The following MAML3 variants were observed in gnomAD, a reference collection of about 807,000 sequenced individuals.
MAML3 encodes the protein mastermind-like protein 3.
A neutral mutation model predicts 101.9 loss-of-function variants in MAML3; 27 were observed. That is an observed-to-expected ratio of 0.27 (90% CI 0.20 to 0.37). The LOEUF is 0.37. Ranked by LOEUF, MAML3 falls within the 10% of genes least tolerant of loss-of-function variation. The pLI, the probability that MAML3 is intolerant of heterozygous loss-of-function variation, is 1.00. For missense variants in MAML3, 1,316 were observed against 1,444.9 expected (o/e 0.91, Z 1.45); for synonymous variants, 501 against 555.9 (o/e 0.90, Z 1.39).
In MAML3 at chr4:139,750,835, C is replaced by A. The variant is rs1289977117; in HGVS notation, c.2080-20168G>T. Among the ~76,000 whole-genome samples, 18 of 152,174 alleles carry A rather than the reference C, an allele frequency of 1.2e-4. 1 individual carries two copies. The highest frequency in any genetic ancestry group is 9.8e-4 in the Admixed American group (15 of 15,282). On this transcript the variant is annotated intron_variant, in intron 2 of 4. Transcript: ENST00000509479. Reference sequence around the variant, plus strand: ...CATCACTACCTCCCACTCCCTACCCCCTTTTAAAAACTGAAGTGGGAGGAA... The same window carrying A: ...CATCACTACCTCCCACTCCCTACCCACTTTTAAAAACTGAAGTGGGAGGAA...
Position 139,967,632 on chromosome 4 carries a change from T to C in MAML3, c.469-76665A>G, listed in dbSNP as rs17372642. Among the ~76,000 whole-genome samples the C allele has an allele frequency of 9.9e-3, 1,511 of 152,148 alleles. 14 individuals are homozygous for C. The highest frequency in any genetic ancestry group is 0.016 in the Non-Finnish European group (1,095 of 68,016). On this transcript the variant is annotated intron_variant, in intron 1 of 4. Transcript: ENST00000509479. ...CAGGCCTGAAGAGTTCTTGAGGGCA[T>C]CTAAAACTGAAAGCTTTTAGCAAAA...
chr4:139,760,300 A>G (rs1468949070), intron 2 of MAML3, among the ~76,000 whole-genome samples: 1 of 152,248 alleles, frequency 6.6e-6, no homozygotes, highest in Non-Finnish European at 1.5e-5. Flanking sequence ...CAAACTTAAC[A>G]GAGGTAAATC....
intron 2 of MAML3, among the ~76,000 whole-genome samples, chr4:139,803,615 TGAAAGTTACTA>T (rs1242061718): frequency 1.3e-5 from 2 of 152,166 alleles, no homozygotes; most frequent in Admixed American, 1.3e-4. Flanking sequence ...GGGTGGCAGC[TGAAAGTTACTA>T]ATACTGCCAC....
intron 2 of MAML3, among the ~76,000 whole-genome samples, chr4:139,783,150 A>G (rs1164497758): frequency 6.6e-6 from 1 of 152,200 alleles, no homozygotes; most frequent in Non-Finnish European, 1.5e-5. Flanking sequence ...ACGGTTCTTA[A>G]AGCCCTTTTG....
chr4:139,742,149 CTT>C lies in MAML3; in HGVS notation c.2080-11484_2080-11483del, dbSNP rs67056013. On this transcript the variant is annotated intron_variant, in intron 2 of 4. Transcript: ENST00000509479. ...AGATCTTAAACTTTTCTTTTCTTTT[CTT>C]TTTTTTTTTTTTTTTGAGAGAGAGT... is the stretch of plus-strand genomic sequence containing the variant. Among the ~76,000 whole-genome samples, 415 of 113,634 alleles carry C rather than the reference CTT, an allele frequency of 3.7e-3. 1 individual carries two copies. The highest frequency in any genetic ancestry group is 9.1e-3 in the African/African-American group (268 of 29,552). 74.5% of individuals were successfully genotyped at this position (113,634 alleles called of 152,430 possible).
At chr4:140,038,365 T>C (rs888729263) in intron 1 of MAML3, among the ~76,000 whole-genome samples, 2 of 152,164 alleles carry the variant, frequency 1.3e-5, no homozygotes, top group African/African-American at 4.8e-5. Context: ...AGAAAAATAT[T>C]TGGACTGATA....
intron 1 of MAML3, among the ~76,000 whole-genome samples, chr4:139,897,410 C>A (rs191582765): frequency 6.6e-6 from 1 of 152,168 alleles, no homozygotes; most frequent in African/African-American, 2.4e-5. Context: ...CAGGACTGGA[C>A]GAAGCACAGT....
intron 1 of MAML3, among the ~76,000 whole-genome samples, chr4:139,963,624 G>A (rs960142436): frequency 1.6e-4 from 24 of 152,168 alleles, no homozygotes; most frequent in African/African-American, 5.3e-4. Flanking sequence ...CCTTGGGTCA[G>A]ACTATTAGCT....
intron 2 of MAML3, among the ~76,000 whole-genome samples, chr4:139,830,185 CG>C (rs1731135883): frequency 6.6e-6 from 1 of 152,154 alleles, no homozygotes; most frequent in African/African-American, 2.4e-5. Flanking sequence ...AAGGACTCCA[CG>C]GCCATCTCAT....
intron 1 of MAML3, among the ~76,000 whole-genome samples, chr4:139,903,535 G>A (rs1210420757): frequency 6.6e-6 from 1 of 152,182 alleles, no homozygotes; most frequent in African/African-American, 2.4e-5. Context: ...CATGACTAAT[G>A]ATCAGAGACT....
chr4:140,116,039 T>C (rs1213824555), intron 1 of MAML3, among the ~76,000 whole-genome samples: 6 of 152,168 alleles, frequency 3.9e-5, no homozygotes, highest in African/African-American at 1.4e-4. Context: ...TAAGATCCTT[T>C]AGTTGGTAAT....
rs763893341 is a variant in MAML3 at position 139,719,403 on chromosome 4, C to G, written c.3337G>C (p.Asp1113His). The G allele has an allele frequency of 6.1e-5, 99 of 1,613,904 alleles. No individual in the cohort carries two copies. In the South Asian group the frequency reaches 1.1e-3, roughly 17 times the overall value. ...GSFPGLPDGA[D>H]LVDSIIKGGP... ...CCTTTGATGATGGAGTCCACAAGGT[C>G]TGCACCGTCCGGGAGGCCAGGGAAG... Residue 1113 changes from aspartate to histidine, a missense_variant, in exon 5 of 5, where the codon GAC becomes CAC. Asp to His is a moderately conservative substitution (Grantham distance 81, BLOSUM62 -1). Coordinates refer to ENST00000509479, the MANE Select transcript of MAML3 (RefSeq NM_018717.5).
chr4:139,926,492 CG>C (rs1407371202), intron 1 of MAML3, among the ~76,000 whole-genome samples: 1 of 152,102 alleles, frequency 6.6e-6, no homozygotes, highest in Non-Finnish European at 1.5e-5. Context: ...CCCAGCTACT[CG>C]GGAGGCTGTG....
At chr4:139,901,978 G>C (rs978129150) in intron 1 of MAML3, among the ~76,000 whole-genome samples, 3 of 152,166 alleles carry the variant, frequency 2.0e-5, no homozygotes, top group Admixed American at 2.0e-4. Context: ...CGAACAGCCA[G>C]GGTGCCCAGA....
chr4:139,970,622 C>A (rs1734220112), intron 1 of MAML3, among the ~76,000 whole-genome samples: 1 of 152,192 alleles, frequency 6.6e-6, no homozygotes, highest in Admixed American at 6.5e-5. Context: ...AGGGACTTAG[C>A]ACCATCTCCT....
intron 1 of MAML3, among the ~76,000 whole-genome samples, chr4:139,909,995 G>C (rs1001014274): frequency 2.0e-5 from 3 of 151,924 alleles, no homozygotes; most frequent in Non-Finnish European, 2.9e-5. Flanking sequence ...AGTCAGCAAA[G>C]AGATAAAAAA....
At chr4:139,958,775 G>A (rs2604918) in intron 1 of MAML3, among the ~76,000 whole-genome samples, 3 of 151,948 alleles carry the variant, frequency 2.0e-5, no homozygotes, top group South Asian at 2.1e-4. Context: ...GTACTTATCC[G>A]TTTTCAGGCC....
At chr4:140,029,388 T>C (rs1405623714) in intron 1 of MAML3, among the ~76,000 whole-genome samples, 2 of 152,348 alleles carry the variant, frequency 1.3e-5, no homozygotes, top group Non-Finnish European at 2.9e-5. Flanking sequence ...TCTCTCTCTT[T>C]CTGGGTGATA....
chr4:140,045,394 C>CAA (rs3081944), intron 1 of MAML3, among the ~76,000 whole-genome samples: 39 of 98,718 alleles, frequency 4.0e-4, no homozygotes, highest in African/African-American at 1.4e-3. Context: ...GACTCCAACT[C>CAA]AAAAAAAAAA....
Sources: allele counts gnomAD v4.1 joint callset (sites outside exome capture counted in the v4.1 genomes callset), GRCh38; gene constraint gnomAD v4.1.1; transcripts MANE v1.5; gene names NCBI Gene and HGNC (gene_info 2026-07-23, HGNC 2026-07-21).